RGS6: variants seen among roughly 807,000 people sequenced by gnomAD.
The protein encoded by RGS6 is regulator of G protein signaling 6, also known as regulator of G-protein signaling 6.
A neutral mutation model predicts 78.5 loss-of-function variants in RGS6; 30 were observed. The observed-to-expected ratio is 0.38, with a 90% CI of 0.29 to 0.52. The LOEUF is 0.52. RGS6 is among the 20% of genes least tolerant of loss of function. The pLI, the probability that RGS6 is intolerant of heterozygous loss-of-function variation, is 0.85. For missense variants in RGS6, 495 were observed against 609.7 expected (o/e 0.81, Z 1.98); for synonymous variants, 206 against 206.0 (o/e 1.00, Z 0.00).
intron 2 of RGS6, among the ~76,000 whole-genome samples, chr14:71,978,734 T>G (rs1010398825): frequency 4.6e-5 from 7 of 152,186 alleles, no homozygotes; most frequent in African/African-American, 9.7e-5. Context: ...CTTTTTATGT[T>G]GTGTCTCTGC....
At chr14:72,581,766 C>A in the RGS6 span, among the ~76,000 whole-genome samples, 1 of 152,248 alleles carries the variant, frequency 6.6e-6, no homozygotes, top group Non-Finnish European at 1.5e-5. Flanking sequence ...CCCCAAGAGC[C>A]TTCTCTCTCT....
At chr14:72,488,106 T>A (rs2096523779) in intron 12 of RGS6, among the ~76,000 whole-genome samples, 1 of 152,256 alleles carries the variant, frequency 6.6e-6, no homozygotes, top group Non-Finnish European at 1.5e-5. Context: ...ACTTTATTTA[T>A]GTAACTTAAC....
At chr14:71,933,706 T>A (rs1012341982) in intron 1 of RGS6, among the ~76,000 whole-genome samples, 1 of 152,224 alleles carries the variant, frequency 6.6e-6, no homozygotes, top group African/African-American at 2.4e-5. Context: ...ATTTCTATGT[T>A]ACAAACTGAA....
At chr14:72,370,767 A>G (rs1229904719) in intron 3 of RGS6, among the ~76,000 whole-genome samples, 1 of 152,236 alleles carries the variant, frequency 6.6e-6, no homozygotes, top group Non-Finnish European at 1.5e-5. Flanking sequence ...AATAATGTAA[A>G]CTGTTCCCAC....
In RGS6 at chr14:72,000,351, C is replaced by A. The variant is rs376332313; in HGVS notation, c.84+35476C>A. On this transcript the variant is annotated intron_variant, in intron 2 of 17. Coordinates refer to ENST00000553525, the MANE Select transcript of RGS6 (RefSeq NM_001204424.2). ...TGATGGGAAGAGATGAAATGAATAA[C>A]AATACTTGGGAAATTTGAGGAATGG... Among the ~76,000 whole-genome samples the A allele has an allele frequency of 3.9e-4, 60 of 152,180 alleles. 3 individuals carry two copies. In the South Asian group the frequency reaches 0.012, roughly 31 times the overall value.
intron 17 of RGS6, among the ~76,000 whole-genome samples, chr14:72,559,020 A>G (rs978772375): frequency 2.0e-5 from 3 of 152,122 alleles, no homozygotes; most frequent in Admixed American, 2.0e-4. Context: ...AACATTACAC[A>G]CTCACACCCT....
chr14:72,546,965 T>G (rs527386568), intron 17 of RGS6, among the ~76,000 whole-genome samples: 4 of 152,296 alleles, frequency 2.6e-5, no homozygotes, highest in African/African-American at 9.6e-5. Context: ...CTGATGGGGT[T>G]GTGGGGTCTC....
At chr14:72,078,693 C>T (rs969925367) in intron 2 of RGS6, among the ~76,000 whole-genome samples, 26 of 152,196 alleles carry the variant, frequency 1.7e-4, no homozygotes, top group Admixed American at 1.4e-3. Flanking sequence ...GCTGGGATTA[C>T]AGGCGTGAGC....
At chr14:72,184,823 T>C (rs189963066) in intron 2 of RGS6, among the ~76,000 whole-genome samples, 1 of 152,234 alleles carries the variant, frequency 6.6e-6, no homozygotes, top group Non-Finnish European at 1.5e-5. Flanking sequence ...TGTATTTATA[T>C]GTATTGTCTT....
At chr14:72,223,728 A>G (rs901166128) in intron 2 of RGS6, among the ~76,000 whole-genome samples, 23 of 152,254 alleles carry the variant, frequency 1.5e-4, no homozygotes, top group African/African-American at 5.3e-4. Flanking sequence ...GTTGCTTCAA[A>G]TGATCCAGAA....
chr14:72,121,534 A>G (rs1431279644), intron 2 of RGS6, among the ~76,000 whole-genome samples: 1 of 152,150 alleles, frequency 6.6e-6, no homozygotes, highest in Non-Finnish European at 1.5e-5. Flanking sequence ...GTGATCACAC[A>G]CTGTGCTGTG....
At chr14:72,034,124 T>G (rs1430588569) in intron 2 of RGS6, among the ~76,000 whole-genome samples, 3 of 152,204 alleles carry the variant, frequency 2.0e-5, no homozygotes, top group Admixed American at 2.0e-4. Context: ...TTTGTTTTGC[T>G]GTGTGAAGAG....
chr14:72,153,517 G>A (rs948200606), intron 2 of RGS6, among the ~76,000 whole-genome samples: 8 of 152,166 alleles, frequency 5.3e-5, no homozygotes, highest in African/African-American at 1.9e-4. Flanking sequence ...GGTATTGGGG[G>A]AACCTGCCCC....
chr14:72,266,771 T>G (rs1200419941), intron 2 of RGS6, among the ~76,000 whole-genome samples: 2 of 152,148 alleles, frequency 1.3e-5, no homozygotes, highest in East Asian at 3.9e-4. Context: ...AGGTTGGAAG[T>G]GCTGAGGGAC....
intron 2 of RGS6, among the ~76,000 whole-genome samples, chr14:72,057,395 T>C (rs1159040205): frequency 1.3e-5 from 2 of 151,120 alleles, no homozygotes; most frequent in East Asian, 3.9e-4. Flanking sequence ...GTCAAGGGTG[T>C]ATTCCAGTTT....
chr14:71,940,419 T>A (rs2090333126), intron 1 of RGS6, among the ~76,000 whole-genome samples: 1 of 152,200 alleles, frequency 6.6e-6, no homozygotes, highest in African/African-American at 2.4e-5. Flanking sequence ...TCTCTGTTTT[T>A]ATAATTCAAA....
chr14:72,189,096 G>A (rs1044204547), intron 2 of RGS6, among the ~76,000 whole-genome samples: 4 of 152,140 alleles, frequency 2.6e-5, no homozygotes, highest in African/African-American at 9.7e-5. Flanking sequence ...GACCTTGTGG[G>A]CCATATGATC....
At chr14:72,226,473 A>C (rs1472765124) in intron 2 of RGS6, among the ~76,000 whole-genome samples, 1 of 152,110 alleles carries the variant, frequency 6.6e-6, no homozygotes, top group Non-Finnish European at 1.5e-5. Flanking sequence ...GAAAAGAAAA[A>C]CTTTTCTATT....
chr14:72,108,459 A>T (rs1360150020), intron 2 of RGS6, among the ~76,000 whole-genome samples: 1 of 151,772 alleles, frequency 6.6e-6, no homozygotes, highest in Admixed American at 6.6e-5. Context: ...ATCTTAGGAC[A>T]GTTTTTCTTG....
Sources: gnomAD v4.1 joint callset for allele counts (sites outside exome capture counted in the v4.1 genomes callset) on GRCh38, gnomAD v4.1.1 for gene constraint, MANE v1.5 for transcripts, NCBI Gene and HGNC (gene_info 2026-07-23, HGNC 2026-07-21) for gene names.